Variants in PPP1R9A observed in about 807,000 individuals in gnomAD.
PPP1R9A encodes the protein protein phosphatase 1 regulatory subunit 9A.
In PPP1R9A, 59 loss-of-function variants were observed where a neutral mutation model predicts 141.9. That is an observed-to-expected ratio of 0.42 (90% CI 0.34 to 0.52). The LOEUF is 0.52. Among genes scored for constraint, PPP1R9A ranks in the 20% least tolerant of loss-of-function variants. The probability of loss-of-function intolerance (pLI) is 0.10; values close to 1 mark genes in which losing one functional copy is unlikely to be tolerated. For missense variants in PPP1R9A, 1,444 were observed against 1,611.9 expected (o/e 0.90, Z 1.78); for synonymous variants, 500 against 569.7 (o/e 0.88, Z 1.74).
intron 2 of PPP1R9A, among the ~76,000 whole-genome samples, chr7:95,074,274 TC>T (rs1340678812): frequency 2.0e-5 from 3 of 152,116 alleles, no homozygotes; most frequent in Non-Finnish European, 4.4e-5. Context: ...TTTTAGACTA[TC>T]CCATCTTAAT....
chr7:95,006,746 A>G (rs1173216678), intron 2 of PPP1R9A, among the ~76,000 whole-genome samples: 1 of 151,986 alleles, frequency 6.6e-6, no homozygotes, highest in East Asian at 1.9e-4. Flanking sequence ...CTCAATTCTG[A>G]TATGGTCTCC....
intron 2 of PPP1R9A, among the ~76,000 whole-genome samples, chr7:94,916,491 G>T (rs1792098211): frequency 6.6e-6 from 1 of 152,178 alleles, no homozygotes; most frequent in Admixed American, 6.5e-5. Flanking sequence ...GCTATATCTG[G>T]TTGGGTGGAA....
chr7:95,049,921 G>A, intron 2 of PPP1R9A, among the ~76,000 whole-genome samples: 1 of 152,110 alleles, frequency 6.6e-6, no homozygotes, highest in East Asian at 1.9e-4. Context: ...TCACCTGTGG[G>A]TGCTTTCAAG....
At chr7:95,045,324 A>G (rs533144836) in intron 2 of PPP1R9A, among the ~76,000 whole-genome samples, 7 of 152,222 alleles carry the variant, frequency 4.6e-5, no homozygotes, top group South Asian at 2.1e-4. Flanking sequence ...TTGGAGGTCA[A>G]TGGTGGCGTA....
At chr7:95,094,962 G>A (rs1817842031) in intron 2 of PPP1R9A, among the ~76,000 whole-genome samples, 1 of 150,266 alleles carries the variant, frequency 6.7e-6, no homozygotes, top group South Asian at 2.1e-4. Flanking sequence ...AGAAGAGGAA[G>A]TTTGGTTGTG....
chr7:94,934,405 G>A (rs745580383), intron 2 of PPP1R9A, among the ~76,000 whole-genome samples: 16 of 152,080 alleles, frequency 1.1e-4, no homozygotes, highest in Admixed American at 2.0e-4. Context: ...TCTCTAACAT[G>A]TGGTATGAAT....
At chr7:95,276,088 AC>A (rs1234253036) in intron 16 of PPP1R9A, among the ~76,000 whole-genome samples, 2 of 152,250 alleles carry the variant, frequency 1.3e-5, no homozygotes, top group East Asian at 3.9e-4. Context: ...AAATAATGAA[AC>A]CGTTTAGGGG....
At chr7:95,152,760 G>A (rs753623863) in intron 4 of PPP1R9A, among the ~76,000 whole-genome samples, 19 of 151,738 alleles carry the variant, frequency 1.3e-4, no homozygotes, top group Admixed American at 2.0e-4. Flanking sequence ...TTCTCTGGTG[G>A]ATAGGAACTT....
chr7:95,250,276 A>ATTCTTTAGTTATT, intron 10 of PPP1R9A, 21 bp downstream of exon 10: 1 of 1,572,118 alleles, frequency 6.4e-7, no homozygotes, highest in Non-Finnish European at 8.7e-7. Context: ...TCTAATAACT[A>ATTCTTTAGTTATT]AAGAATAGTT....
At chr7:95,112,355 A>C (rs1269229986) in intron 3 of PPP1R9A, among the ~76,000 whole-genome samples, 3 of 152,184 alleles carry the variant, frequency 2.0e-5, no homozygotes, top group African/African-American at 7.2e-5. Flanking sequence ...TCAAAACCAC[A>C]ATGAGACACC....
intron 2 of PPP1R9A, among the ~76,000 whole-genome samples, chr7:95,010,329 G>C (rs1207985108): frequency 2.6e-5 from 4 of 152,024 alleles, no homozygotes; most frequent in Non-Finnish European, 1.5e-5. Context: ...GCTTGAGTCC[G>C]GGAGGTCAGG....
At chr7:94,977,615 C>T (rs1006275136) in intron 2 of PPP1R9A, among the ~76,000 whole-genome samples, 1 of 152,132 alleles carries the variant, frequency 6.6e-6, no homozygotes, top group Admixed American at 6.5e-5. Context: ...ACAAGTCAGA[C>T]TGTTTATCAA....
chr7:95,048,523 T>TTTG (rs34158265), intron 2 of PPP1R9A, among the ~76,000 whole-genome samples: 4,218 of 150,572 alleles, frequency 0.028, 87 homozygotes, highest in African/African-American at 0.052. Flanking sequence ...ATGACAGCGT[T>TTTG]TTGTTGTTGT....
intron 4 of PPP1R9A, among the ~76,000 whole-genome samples, chr7:95,148,465 AT>A (rs1166722994): frequency 8.5e-5 from 13 of 152,076 alleles, no homozygotes; most frequent in Non-Finnish European, 2.9e-5. Flanking sequence ...AAATAGACCA[AT>A]TTTTTCCAAG....
At chr7:95,177,187 A>G (rs1833026711) in intron 5 of PPP1R9A, among the ~76,000 whole-genome samples, 1 of 152,142 alleles carries the variant, frequency 6.6e-6, no homozygotes, top group Non-Finnish European at 1.5e-5. Context: ...AAACCCTACA[A>G]GCTAGAAGGG....
chr7:95,101,301 AG>A (rs1339094902), intron 2 of PPP1R9A, among the ~76,000 whole-genome samples: 1 of 152,178 alleles, frequency 6.6e-6, no homozygotes, highest in Non-Finnish European at 1.5e-5. Flanking sequence ...TGATTCTTTT[AG>A]ATGGTAGCCT....
At chr7:95,057,315 TAAAGA>T (rs1440813619) in intron 2 of PPP1R9A, among the ~76,000 whole-genome samples, 4 of 152,080 alleles carry the variant, frequency 2.6e-5, no homozygotes, top group South Asian at 2.1e-4. Context: ...AAGCAAATAA[TAAAGA>T]AAAGAAAAGG....
intron 2 of PPP1R9A, among the ~76,000 whole-genome samples, chr7:94,988,696 A>G (rs1299774008): frequency 6.6e-6 from 1 of 152,122 alleles, no homozygotes; most frequent in Non-Finnish European, 1.5e-5. Flanking sequence ...GTTATGAGTC[A>G]AAATATATGT....
intron 2 of PPP1R9A, among the ~76,000 whole-genome samples, chr7:94,997,871 A>T (rs1802392304): frequency 6.6e-6 from 1 of 152,104 alleles, no homozygotes; most frequent in Non-Finnish European, 1.5e-5. Flanking sequence ...TGGGATTCCT[A>T]GCCTGCACTG....
Sources: gnomAD v4.1 joint callset for allele counts (sites outside exome capture counted in the v4.1 genomes callset) on GRCh38, gnomAD v4.1.1 for gene constraint, MANE v1.5 for transcripts, NCBI Gene and HGNC (gene_info 2026-07-23, HGNC 2026-07-21) for gene names.